The following HYCC1 variants were observed in gnomAD, a reference collection of about 807,000 sequenced individuals.
HYCC1 encodes hyccin PI4KA lipid kinase complex subunit 1.
At chr7:22,983,107 T>C in the HYCC1 span, among the ~76,000 whole-genome samples, 4 of 151,970 alleles carry the variant, frequency 2.6e-5, no homozygotes, top group African/African-American at 7.3e-5. Context: ...GGTGGATGGA[T>C]TGCTTGAGCC....
At chr7:22,898,277 G>A in the HYCC1 span, among the ~76,000 whole-genome samples, 7 of 151,844 alleles carry the variant, frequency 4.6e-5, no homozygotes, top group East Asian at 1.9e-4. Context: ...GCAGTGGCGC[G>A]ATCTCGGCTC....
chr7:22,973,451 T>TA, the HYCC1 span, among the ~76,000 whole-genome samples: 1 of 152,166 alleles, frequency 6.6e-6, no homozygotes, highest in Non-Finnish European at 1.5e-5. Flanking sequence ...AATGAAAACT[T>TA]AAAGACATAA....
At chr7:22,978,912 T>C in the HYCC1 span, among the ~76,000 whole-genome samples, 3 of 152,164 alleles carry the variant, frequency 2.0e-5, no homozygotes, top group Non-Finnish European at 4.4e-5. Flanking sequence ...ATTATCCAGT[T>C]AATAGAGCTG....
chr7:22,970,472 T>C, the HYCC1 span, among the ~76,000 whole-genome samples: 1 of 152,318 alleles, frequency 6.6e-6, no homozygotes, highest in East Asian at 1.9e-4. Flanking sequence ...TCCTGACCTC[T>C]TGAAGTTTCT....
At chr7:22,929,209 T>C in the HYCC1 span, among the ~76,000 whole-genome samples, 1 of 152,222 alleles carries the variant, frequency 6.6e-6, no homozygotes, top group African/African-American at 2.4e-5. Flanking sequence ...ATTAAAGACT[T>C]ACATGTTAGA....
chr7:22,901,833 A>G, the HYCC1 span, among the ~76,000 whole-genome samples: 1 of 152,228 alleles, frequency 6.6e-6, no homozygotes, highest in African/African-American at 2.4e-5. Flanking sequence ...CAATCATAGT[A>G]AAATATTTTA....
chr7:22,911,542 G>A, the HYCC1 span, among the ~76,000 whole-genome samples: 9 of 152,278 alleles, frequency 5.9e-5, no homozygotes, highest in East Asian at 1.4e-3. Context: ...GGCGGATCAC[G>A]AGGTCAAGAG....
chr7:22,941,470 C>T, the HYCC1 span: 1 of 151,828 alleles, frequency 6.6e-6, no homozygotes, highest in South Asian at 2.1e-4. Flanking sequence ...CAATTAGAAA[C>T]AAATATATTT....
the HYCC1 span, among the ~76,000 whole-genome samples, chr7:22,921,178 C>CA: frequency 2.0e-5 from 3 of 152,120 alleles, no homozygotes; most frequent in African/African-American, 7.2e-5. Flanking sequence ...GGCTGATTTA[C>CA]AAAGCAAGTA....
chr7:22,916,808 C>T, the HYCC1 span, among the ~76,000 whole-genome samples: 2 of 152,228 alleles, frequency 1.3e-5, no homozygotes, highest in African/African-American at 2.4e-5. Flanking sequence ...CTGCCCCCTC[C>T]ACTACCTCTC....
the HYCC1 span, among the ~76,000 whole-genome samples, chr7:23,002,606 C>T: frequency 6.6e-6 from 1 of 152,106 alleles, no homozygotes; most frequent in Non-Finnish European, 1.5e-5. Flanking sequence ...CTTCATTAAG[C>T]TATCCAAATT....
chr7:22,978,490 T>C, the HYCC1 span: 2 of 1,477,744 alleles, frequency 1.4e-6, no homozygotes, highest in South Asian at 1.1e-5. Flanking sequence ...CTGGACTGTA[T>C]TTGAATGGAA....
chr7:22,952,248 AGAG>A, the HYCC1 span, among the ~76,000 whole-genome samples: 1 of 152,042 alleles, frequency 6.6e-6, no homozygotes, highest in Admixed American at 6.6e-5. Context: ...AAGATGGGAA[AGAG>A]GAAGTAGGGT....
the HYCC1 span, among the ~76,000 whole-genome samples, chr7:23,004,155 T>C: frequency 6.6e-6 from 1 of 152,220 alleles, no homozygotes; most frequent in South Asian, 2.1e-4. Context: ...AGACGTTGTT[T>C]TGTAGCTGAA....
the HYCC1 span, among the ~76,000 whole-genome samples, chr7:22,919,617 A>C: frequency 2.0e-5 from 3 of 152,094 alleles, no homozygotes; most frequent in South Asian, 2.1e-4. Flanking sequence ...AAAAAAAAAA[A>C]CTAATAATGG....
At chr7:22,947,112 T>G in the HYCC1 span, 7 of 1,550,510 alleles carry the variant, frequency 4.5e-6, no homozygotes, top group Non-Finnish European at 5.2e-6. Context: ...ACCCTGTATA[T>G]GCTGAGCATC....
At chr7:22,997,360 C>A in the HYCC1 span, among the ~76,000 whole-genome samples, 1 of 152,048 alleles carries the variant, frequency 6.6e-6, no homozygotes, top group Non-Finnish European at 1.5e-5. Flanking sequence ...TTTTTATAAC[C>A]ATTTGTTTTA....
At chr7:22,978,612 G>A in the HYCC1 span, among the ~76,000 whole-genome samples, 1 of 152,074 alleles carries the variant, frequency 6.6e-6, no homozygotes. Flanking sequence ...CTTTCTTCCT[G>A]GTAAAACACA....
At chr7:23,000,137 T>C in the HYCC1 span, among the ~76,000 whole-genome samples, 15 of 152,188 alleles carry the variant, frequency 9.9e-5, no homozygotes, top group African/African-American at 3.1e-4. Context: ...TTAAATCTTT[T>C]CCACATAATT....
Sources: allele counts gnomAD v4.1 joint callset (sites outside exome capture counted in the v4.1 genomes callset), GRCh38; gene constraint gnomAD v4.1.1; transcripts MANE v1.5; gene names NCBI Gene and HGNC (gene_info 2026-07-23, HGNC 2026-07-21).